The following IL1RAPL2 variants were observed in gnomAD, a reference collection of about 807,000 sequenced individuals.
The protein encoded by IL1RAPL2 is X-linked interleukin-1 receptor accessory protein-like 2.
IL1RAPL2 carries 3 observed loss-of-function variants against 44.1 expected under a neutral mutation model. The observed-to-expected ratio is 0.07, with a 90% CI of 0.03 to 0.18. The LOEUF (loss-of-function observed/expected upper bound fraction) is 0.18. Ranked by LOEUF, IL1RAPL2 falls within the 10% of genes least tolerant of loss-of-function variation. IL1RAPL2 has a pLI of 1.00. For synonymous variants in IL1RAPL2, 181 were observed against 178.8 expected, an observed-to-expected ratio of 1.01 and a Z score of -0.10; for missense variants, 391 against 496.4, an observed-to-expected ratio of 0.79 and a Z score of 2.02.
chrX:105,373,947 CGT>C (rs891846689), intron 5 of IL1RAPL2, among the ~76,000 whole-genome samples: 10 of 108,537 alleles, frequency 9.2e-5, no homozygotes, highest in Admixed American at 6.0e-4. Flanking sequence ...GGTGAAACCC[CGT>C]CTCTACTAAA....
At chrX:105,665,467 C>T (rs1044569483) in intron 6 of IL1RAPL2, among the ~76,000 whole-genome samples, 9 of 110,144 alleles carry the variant, frequency 8.2e-5, no homozygotes, top group African/African-American at 2.6e-4. Context: ...AGGAGAAAAC[C>T]TGTTACCTCT....
At chrX:105,618,820 A>G (rs2037396928) in intron 6 of IL1RAPL2, among the ~76,000 whole-genome samples, 1 of 111,881 alleles carries the variant, frequency 8.9e-6, no homozygotes, top group Admixed American at 9.5e-5. Context: ...AGAGCTTTCA[A>G]TTAGGATATC....
intron 7 of IL1RAPL2, among the ~76,000 whole-genome samples, chrX:105,729,194 T>C (rs765934283): frequency 5.4e-5 from 6 of 111,880 alleles, no homozygotes; most frequent in African/African-American, 1.9e-4. Context: ...TAAACACTTG[T>C]GCAAGTTTTC....
chrX:105,499,277 A>T (rs1170073311), intron 6 of IL1RAPL2, among the ~76,000 whole-genome samples: 4 of 111,236 alleles, frequency 3.6e-5, no homozygotes, highest in African/African-American at 1.3e-4. Context: ...ACCTGAAACT[A>T]TACAACTCCT....
chrX:104,885,062 C>A (rs1923192573), intron 2 of IL1RAPL2, among the ~76,000 whole-genome samples: 1 of 111,817 alleles, frequency 8.9e-6, no homozygotes, highest in Non-Finnish European at 1.9e-5. Flanking sequence ...CTGATAGGTA[C>A]ATAGATGTCC....
chrX:104,789,561 T>A (rs1168273579), intron 2 of IL1RAPL2, among the ~76,000 whole-genome samples: 3 of 112,062 alleles, frequency 2.7e-5, no homozygotes, highest in Non-Finnish European at 5.6e-5. Flanking sequence ...GTTAGACTGT[T>A]GACTTCTGGA....
At chrX:105,704,229 T>C (rs1400344313) in intron 6 of IL1RAPL2, among the ~76,000 whole-genome samples, 1 of 112,231 alleles carries the variant, frequency 8.9e-6, no homozygotes, top group Non-Finnish European at 1.9e-5. Context: ...TCATGTAGAA[T>C]ACAGCTTAAA....
intron 6 of IL1RAPL2, among the ~76,000 whole-genome samples, chrX:105,645,028 T>C (rs1194975645): frequency 8.9e-6 from 1 of 111,830 alleles, no homozygotes; most frequent in African/African-American, 3.3e-5. Flanking sequence ...TTGGGTTGGT[T>C]CCAAGTCTTT....
chrX:104,847,204 C>A (rs1321434755), intron 2 of IL1RAPL2, among the ~76,000 whole-genome samples: 1 of 111,821 alleles, frequency 8.9e-6, no homozygotes, highest in East Asian at 2.8e-4. Context: ...TTAATTAGAT[C>A]CCATTTGTTA....
At chrX:104,570,794 A>G (rs1186078406) in intron 1 of IL1RAPL2, among the ~76,000 whole-genome samples, 1 of 111,502 alleles carries the variant, frequency 9.0e-6, no homozygotes, top group Non-Finnish European at 1.9e-5. Context: ...TTTCCCATTA[A>G]TCTCACAGCT....
At chrX:105,454,452 C>G (rs2036041308) in intron 5 of IL1RAPL2, among the ~76,000 whole-genome samples, 1 of 111,081 alleles carries the variant, frequency 9.0e-6, no homozygotes, top group African/African-American at 3.3e-5. Flanking sequence ...AATGTCACAA[C>G]CCCAGATAGA....
At chrX:104,877,191 C>T (rs900310953) in intron 2 of IL1RAPL2, among the ~76,000 whole-genome samples, 9 of 111,408 alleles carry the variant, frequency 8.1e-5, no homozygotes, top group Middle Eastern at 4.2e-3. Flanking sequence ...AATAAACATA[C>T]GGGTGCATGT....
intron 2 of IL1RAPL2, among the ~76,000 whole-genome samples, chrX:105,096,990 C>A (rs752604585): frequency 9.0e-6 from 1 of 110,745 alleles, no homozygotes; most frequent in Admixed American, 9.7e-5. Context: ...ATCTGTGATA[C>A]TTTAGGCTGC....
chrX:105,331,158 A>G (rs1237591334), intron 5 of IL1RAPL2, among the ~76,000 whole-genome samples: 1 of 111,392 alleles, frequency 9.0e-6, no homozygotes, highest in Non-Finnish European at 1.9e-5. Context: ...AGTGAAACCA[A>G]TGTCCTATCA....
intron 1 of IL1RAPL2, among the ~76,000 whole-genome samples, chrX:104,642,709 A>G (rs1929957199): frequency 9.0e-6 from 1 of 110,513 alleles, no homozygotes; most frequent in Admixed American, 9.6e-5. Flanking sequence ...CTGGCCTCAA[A>G]CTCCTGATCT....
intron 1 of IL1RAPL2, among the ~76,000 whole-genome samples, chrX:104,649,681 A>AACAAG (rs1158065812): frequency 9.0e-6 from 1 of 111,721 alleles, no homozygotes; most frequent in Admixed American, 9.5e-5. Flanking sequence ...GCAAAAATGT[A>AACAAG]ACAAGAAATG....
intron 2 of IL1RAPL2, among the ~76,000 whole-genome samples, chrX:104,903,498 T>C (rs952251232): frequency 8.9e-6 from 1 of 111,867 alleles, no homozygotes; most frequent in African/African-American, 3.2e-5. Flanking sequence ...TGAGCTGGCT[T>C]ATAACAAAGG....
chrX:105,665,726 G>A (rs1163753369), intron 6 of IL1RAPL2, among the ~76,000 whole-genome samples: 2 of 75,211 alleles, frequency 2.7e-5, no homozygotes, highest in Non-Finnish European at 5.4e-5. Flanking sequence ...TTTTATTTTT[G>A]TTTTTTTGTT....
chrX:105,758,409 ATCTCTCTC>A (rs59823277), intron 10 of IL1RAPL2, among the ~76,000 whole-genome samples: 4 of 102,380 alleles, frequency 3.9e-5, no homozygotes, highest in African/African-American at 1.1e-4. Flanking sequence ...GTACATGAAA[ATCTCTCTC>A]TCTCTCTCTC....
Sources: allele counts gnomAD v4.1 joint callset (sites outside exome capture counted in the v4.1 genomes callset), GRCh38; gene constraint gnomAD v4.1.1; transcripts MANE v1.5; gene names NCBI Gene and HGNC (gene_info 2026-07-23, HGNC 2026-07-21).